SNTG2: variants seen among roughly 807,000 people sequenced by gnomAD.
The protein encoded by SNTG2 is gamma-2-syntrophin.
In SNTG2, 74 loss-of-function variants were observed where a neutral mutation model predicts 70.9. That is an observed-to-expected ratio of 1.04 (90% confidence interval 0.86 to 1.27). The LOEUF (loss-of-function observed/expected upper bound fraction) is 1.27, where lower values mean the gene tolerates loss of function less well. SNTG2 is among the 50% of genes most tolerant of loss of function. The probability of loss-of-function intolerance (pLI) is 0.00; values close to 1 mark genes in which losing one functional copy is unlikely to be tolerated. For missense variants in SNTG2, 717 were observed against 690.7 expected, an observed-to-expected ratio of 1.04 and a Z score of -0.43; for synonymous variants, 278 against 273.8, an observed-to-expected ratio of 1.02 and a Z score of -0.15.
intron 1 of SNTG2, among the ~76,000 whole-genome samples, chr2:1,074,423 G>A (rs1663788712): frequency 6.6e-6 from 1 of 152,180 alleles, no homozygotes. Flanking sequence ...GGTTCAGTGT[G>A]CAGTTTTCAG....
At chr2:1,212,233 T>C (rs138860111) in intron 9 of SNTG2, among the ~76,000 whole-genome samples, 203 of 152,264 alleles carry the variant, frequency 1.3e-3, no homozygotes, top group African/African-American at 4.5e-3. Flanking sequence ...TCTCCTGATA[T>C]CTGGTCATTT....
At chr2:1,121,687 A>G (rs1174662593) in intron 4 of SNTG2, among the ~76,000 whole-genome samples, 1 of 152,132 alleles carries the variant, frequency 6.6e-6, no homozygotes, top group Non-Finnish European at 1.5e-5. Flanking sequence ...GGCAGGAGGA[A>G]CTAGCTACCA....
chr2:1,052,973 AGT>A (rs1187639672), intron 1 of SNTG2, among the ~76,000 whole-genome samples: 1 of 152,198 alleles, frequency 6.6e-6, no homozygotes, highest in African/African-American at 2.4e-5. Context: ...GTGATTTGTG[AGT>A]ATGTTGCTAA....
intron 1 of SNTG2, among the ~76,000 whole-genome samples, chr2:980,550 C>G (rs1344669025): frequency 6.6e-6 from 1 of 152,122 alleles, no homozygotes; most frequent in African/African-American, 2.4e-5. Flanking sequence ...TGGTTTATCA[C>G]TTATTTTACC....
intron 4 of SNTG2, among the ~76,000 whole-genome samples, chr2:1,104,753 T>C (rs1666002968): frequency 6.6e-6 from 1 of 152,156 alleles, no homozygotes; most frequent in East Asian, 1.9e-4. Context: ...TTTGAGTGAA[T>C]AGGGCTTGCT....
At chr2:1,124,478 AG>A (rs1372068254) in intron 4 of SNTG2, among the ~76,000 whole-genome samples, 1 of 151,722 alleles carries the variant, frequency 6.6e-6, no homozygotes, top group Non-Finnish European at 1.5e-5. Context: ...TTGTATTTTT[AG>A]TAGAGACGGG....
chr2:1,068,817 C>T (rs75904748), intron 1 of SNTG2, among the ~76,000 whole-genome samples: 20,401 of 152,176 alleles, frequency 0.13, 1,626 homozygotes, highest in Middle Eastern at 0.2. Context: ...CAGCTTGTGA[C>T]GTACTATGTT....
chr2:1,172,570 G>A (rs1671196855), intron 7 of SNTG2, among the ~76,000 whole-genome samples: 1 of 152,190 alleles, frequency 6.6e-6, no homozygotes, highest in African/African-American at 2.4e-5. Flanking sequence ...GCTTGTTTCT[G>A]TTTAGCAGGT....
intron 8 of SNTG2, among the ~76,000 whole-genome samples, chr2:1,192,477 A>C (rs556218770): frequency 6.6e-6 from 1 of 152,230 alleles, no homozygotes; most frequent in African/African-American, 2.4e-5. Flanking sequence ...CGTGTGATGA[A>C]ATTTGTCAGT....
chr2:1,357,226 A>C (rs1212356810), intron 16 of SNTG2, among the ~76,000 whole-genome samples: 1 of 152,164 alleles, frequency 6.6e-6, no homozygotes, highest in East Asian at 1.9e-4. Context: ...AGTGGGCATA[A>C]TCTTAGAGAA....
chr2:1,152,517 TGTG>T (rs1019629451), intron 6 of SNTG2, among the ~76,000 whole-genome samples: 1 of 152,156 alleles, frequency 6.6e-6, no homozygotes. Context: ...TGTGTGTACA[TGTG>T]TGTGCATGTG....
chr2:1,285,938 T>C (rs547607931), intron 14 of SNTG2, among the ~76,000 whole-genome samples: 1 of 152,322 alleles, frequency 6.6e-6, no homozygotes, highest in East Asian at 1.9e-4. Flanking sequence ...AGCTCCTGCA[T>C]TCCTTGCGTA....
chr2:1,248,808 A>G lies in SNTG2; in HGVS notation c.1005+1365A>G, dbSNP rs141107481. The stretch of plus-strand genomic sequence containing the variant: ...GGGGCTGAGGTGTCGGAGGACTTCC[A>G]TGGACCCATATCACTCCATGTGTTA... On this transcript the variant is annotated intron_variant, in intron 12 of 16. Transcript: ENST00000308624. Among the ~76,000 whole-genome samples, 351 of 152,334 alleles carry G rather than the reference A, an allele frequency of 2.3e-3. 5 individuals carry two copies. Among genetic ancestry groups the G allele is most frequent in the African/African-American group, 7.6e-3 (318 of 41,574 alleles).
At chr2:1,248,442 C>T (rs1677565323) in intron 12 of SNTG2, among the ~76,000 whole-genome samples, 1 of 152,088 alleles carries the variant, frequency 6.6e-6, no homozygotes, top group Non-Finnish European at 1.5e-5. Flanking sequence ...CTTTTTCTGC[C>T]CCAGAGATAA....
At chr2:959,114 T>C (rs1054571901) in intron 1 of SNTG2, among the ~76,000 whole-genome samples, 1 of 152,202 alleles carries the variant, frequency 6.6e-6, no homozygotes, top group Admixed American at 6.5e-5. Context: ...ATTTAAAAAA[T>C]TCATTTCTAT....
intron 1 of SNTG2, among the ~76,000 whole-genome samples, chr2:1,036,448 ATTGTT>A (rs1214926276): frequency 1.3e-5 from 2 of 152,140 alleles, no homozygotes; most frequent in African/African-American, 2.4e-5. Context: ...AAGATCTCAT[ATTGTT>A]TTAAAACCTA....
chr2:1,230,147 C>T (rs1340967569), intron 9 of SNTG2, among the ~76,000 whole-genome samples: 3 of 152,232 alleles, frequency 2.0e-5, no homozygotes, highest in Non-Finnish European at 4.4e-5. Flanking sequence ...TGCCAGCACG[C>T]TGTCACCTCT....
intron 4 of SNTG2, among the ~76,000 whole-genome samples, chr2:1,119,260 T>C (rs1291035191): frequency 6.6e-6 from 1 of 152,212 alleles, no homozygotes; most frequent in Non-Finnish European, 1.5e-5. Context: ...ATCACTATGC[T>C]TGCTGTATCT....
intron 14 of SNTG2, among the ~76,000 whole-genome samples, chr2:1,273,799 T>A (rs1679156689): frequency 6.6e-6 from 1 of 151,746 alleles, no homozygotes; most frequent in East Asian, 1.9e-4. Flanking sequence ...TGAAAAAAAA[T>A]TGATAATTTA....
Sources: allele counts gnomAD v4.1 joint callset (sites outside exome capture counted in the v4.1 genomes callset), GRCh38; gene constraint gnomAD v4.1.1; transcripts MANE v1.5; gene names NCBI Gene and HGNC (gene_info 2026-07-23, HGNC 2026-07-21).